Variants in THSD7B observed in about 807,000 individuals in gnomAD.
THSD7B encodes the protein thrombospondin type 1 domain containing 7B.
A neutral mutation model predicts 213.6 loss-of-function variants in THSD7B; 138 were observed. The observed-to-expected ratio is 0.65, with a 90% CI of 0.56 to 0.74. The LOEUF (loss-of-function observed/expected upper bound fraction) is 0.74. THSD7B is among the 30% of genes least tolerant of loss of function. The probability of loss-of-function intolerance (pLI) is 0.00; values close to 1 mark genes in which losing one functional copy is unlikely to be tolerated. For synonymous variants in THSD7B, 742 were observed against 687.0 expected, an observed-to-expected ratio of 1.08 and a Z score of -1.25; for missense variants, 1,931 against 1,991.5, an observed-to-expected ratio of 0.97 and a Z score of 0.58.
intron 2 of THSD7B, among the ~76,000 whole-genome samples, chr2:136,916,181 G>A (rs566874644): frequency 9.9e-5 from 15 of 152,252 alleles, no homozygotes; most frequent in African/African-American, 3.4e-4. Flanking sequence ...AAAAAATGCT[G>A]AAAGTTTTCC....
At chr2:137,574,440 C>A (rs1382987139) in intron 17 of THSD7B, among the ~76,000 whole-genome samples, 1 of 152,150 alleles carries the variant, frequency 6.6e-6, no homozygotes, top group South Asian at 2.1e-4. Flanking sequence ...TGCTTATGTA[C>A]CTTCCAAGTT....
intron 15 of THSD7B, among the ~76,000 whole-genome samples, chr2:137,552,599 G>GATA (rs1680871974): frequency 6.6e-6 from 1 of 152,162 alleles, no homozygotes; most frequent in Non-Finnish European, 1.5e-5. Flanking sequence ...TGGTATCACT[G>GATA]CTGGCCAGAT....
chr2:137,386,409 T>A (rs570835859), intron 12 of THSD7B, among the ~76,000 whole-genome samples: 1 of 152,282 alleles, frequency 6.6e-6, no homozygotes, highest in Admixed American at 6.5e-5. Flanking sequence ...TGCATGTAAA[T>A]TGAGCTGTGC....
intron 1 of THSD7B, among the ~76,000 whole-genome samples, chr2:136,847,107 G>A (rs1049689692): frequency 2.6e-5 from 4 of 152,132 alleles, no homozygotes; most frequent in African/African-American, 9.7e-5. Context: ...CATTTGGATG[G>A]AAATAGTAAA....
At position 137,514,756 on chromosome 2, in the gene THSD7B, A is replaced by G. The variant is rs553178287; in HGVS notation, c.3139-48465A>G. Among the ~76,000 whole-genome samples, 158 of 152,324 alleles carry G rather than the reference A, an allele frequency of 1.0e-3. 1 individual carries two copies. Among genetic ancestry groups the G allele is most frequent in the African/African-American group, 3.6e-3 (150 of 41,574 alleles). On this transcript the variant is annotated intron_variant, in intron 15 of 27. Transcript: ENST00000409968. Reference sequence around the variant, plus strand: ...TAATAGTCCTTGGTGTGAACTGTGTAGAGATTTATGCAAAATAAATGCATT... The same window carrying G: ...TAATAGTCCTTGGTGTGAACTGTGTGGAGATTTATGCAAAATAAATGCATT...
chr2:137,326,418 A>C (rs574539719), intron 12 of THSD7B, among the ~76,000 whole-genome samples: 26 of 152,146 alleles, frequency 1.7e-4, no homozygotes, highest in Non-Finnish European at 3.8e-4. Context: ...TAAGCCCCCC[A>C]CACATTCTTA....
chr2:137,043,038 C>T (rs2104863647), intron 2 of THSD7B, among the ~76,000 whole-genome samples: 1 of 152,298 alleles, frequency 6.6e-6, no homozygotes, highest in South Asian at 2.1e-4. Flanking sequence ...CGAAGGTTTG[C>T]ATGTCCCATG....
At chr2:136,963,600 C>T (rs993054857) in intron 2 of THSD7B, among the ~76,000 whole-genome samples, 1 of 152,170 alleles carries the variant, frequency 6.6e-6, no homozygotes, top group African/African-American at 2.4e-5. Context: ...GCCATGATTG[C>T]ACCACTGTGC....
intron 22 of THSD7B, among the ~76,000 whole-genome samples, chr2:137,655,876 G>A (rs1224674682): frequency 6.6e-6 from 1 of 152,146 alleles, no homozygotes; most frequent in East Asian, 1.9e-4. Context: ...GGAAACTTAA[G>A]AGCTAAGTTA....
At chr2:137,225,867 A>G (rs767061230) in intron 7 of THSD7B, among the ~76,000 whole-genome samples, 1 of 151,722 alleles carries the variant, frequency 6.6e-6, no homozygotes. Flanking sequence ...TGTTAGCAAT[A>G]TTAGGATGTT....
At chr2:137,573,113 C>T (rs1198499126) in intron 17 of THSD7B, among the ~76,000 whole-genome samples, 2 of 149,104 alleles carry the variant, frequency 1.3e-5, no homozygotes, top group African/African-American at 4.9e-5. Flanking sequence ...CTTTTAAAGT[C>T]TTAAAAAATT....
intron 2 of THSD7B, among the ~76,000 whole-genome samples, chr2:136,980,655 G>C (rs1685560373): frequency 6.6e-6 from 1 of 152,146 alleles, no homozygotes; most frequent in South Asian, 2.1e-4. Context: ...AACTTACTTG[G>C]TCATCTGAGG....
intron 17 of THSD7B, among the ~76,000 whole-genome samples, chr2:137,574,523 C>G (rs1157332890): frequency 6.6e-6 from 1 of 152,026 alleles, no homozygotes; most frequent in East Asian, 1.9e-4. Context: ...CAACATTATA[C>G]TGAAAGCTAC....
intron 20 of THSD7B, among the ~76,000 whole-genome samples, chr2:137,622,936 C>T (rs192320833): frequency 6.6e-5 from 10 of 152,150 alleles, no homozygotes; most frequent in Non-Finnish European, 1.3e-4. Flanking sequence ...TGAAACTATT[C>T]CAATCAATAG....
intron 5 of THSD7B, among the ~76,000 whole-genome samples, chr2:137,159,310 A>G (rs1679966616): frequency 6.6e-6 from 1 of 151,842 alleles, no homozygotes; most frequent in Non-Finnish European, 1.5e-5. Context: ...GTGACATTGC[A>G]CCAGTGGTCC....
At chr2:137,251,828 G>A (rs1049137809) in intron 10 of THSD7B, among the ~76,000 whole-genome samples, 1 of 152,172 alleles carries the variant, frequency 6.6e-6, no homozygotes, top group Non-Finnish European at 1.5e-5. Context: ...ACACAATAAA[G>A]TTTGAAAACC....
rs1405150569 is a variant in THSD7B at position 137,056,459 on chromosome 2, G to T, written c.179G>T (p.Gly60Val). Residue 60 changes from glycine to valine, a missense_variant, in exon 3 of 28, where the codon GGA becomes GTA. Physicochemically the swap from Gly to Val is moderately radical, Grantham distance 109. Coordinates refer to ENST00000409968, the MANE Select transcript of THSD7B (RefSeq NM_001316349.2). ...GRCTGDCGPG[G>V]VQSRAVWCFH... is the part of the protein sequence containing the mutation. ...TGTACAGGAGACTGTGGTCCCGGAG[G>T]AGTCCAGAGTCGGGCAGTGTGGTGT... The T allele has an allele frequency of 6.2e-7, 1 of 1,613,962 alleles. No homozygotes were observed. Among genetic ancestry groups the T allele is most frequent in the Non-Finnish European group, 8.5e-7 (1 of 1,179,874 alleles).
Position 137,170,870 on chromosome 2 carries a change from G to T in THSD7B, c.1655G>T (p.Cys552Phe), listed in dbSNP as rs777290058. 2 of 1,613,594 alleles carry T rather than the reference G, an allele frequency of 1.2e-6. No individual in the cohort carries two copies. The highest frequency in any genetic ancestry group is 3.3e-5 in the Admixed American group (2 of 59,986). The change falls in exon 7 of 28, where the codon TGT (cysteine) becomes TTT (phenylalanine). Residue 552 changes from cysteine (C) to phenylalanine (F), a missense_variant. Coordinates refer to ENST00000409968, the MANE Select transcript of THSD7B (RefSeq NM_001316349.2). The part of the protein sequence containing the change: ...CYRWLASEGI[C>F]FPDHGKCGLG... ...CGATGGCTGGCATCAGAAGGGATCT[G>T]TTTCCCTGATCATGGAAAATGTGGC...
intron 12 of THSD7B, among the ~76,000 whole-genome samples, chr2:137,386,304 C>G (rs1051157387): frequency 1.3e-5 from 2 of 152,174 alleles, no homozygotes; most frequent in African/African-American, 4.8e-5. Flanking sequence ...ATCTGTGTAT[C>G]TTAGGCCACT....
Sources: allele counts gnomAD v4.1 joint callset (sites outside exome capture counted in the v4.1 genomes callset), GRCh38; gene constraint gnomAD v4.1.1; transcripts MANE v1.5; gene names NCBI Gene and HGNC (gene_info 2026-07-23, HGNC 2026-07-21).